Variants in NAV2 observed in about 807,000 individuals in gnomAD.
NAV2 encodes neuron navigator 2, also known as helicase, APC down-regulated 1.
In NAV2, 54 loss-of-function variants were observed where a neutral mutation model predicts 223.2. The observed-to-expected ratio is 0.24, with a 90% confidence interval of 0.19 to 0.30. The LOEUF is 0.30. NAV2 is among the 10% of genes least tolerant of loss of function. The probability of loss-of-function intolerance (pLI) is 1.00; values close to 1 mark genes in which losing one functional copy is unlikely to be tolerated. For synonymous variants in NAV2, 1,279 were observed against 1,239.3 expected (o/e 1.03, Z -0.67); for missense variants, 2,806 against 3,147.5 (o/e 0.89, Z 2.60).
chr11:20,051,435 C>G, intron 17 of NAV2, 102 bp downstream of exon 17: 1 of 1,097,700 alleles, frequency 9.1e-7, no homozygotes. Flanking sequence ...GGGCTGGGGT[C>G]CCCGCTTTGA....
chr11:19,573,573 G>A (rs909534289), intron 1 of NAV2, among the ~76,000 whole-genome samples: 2 of 152,128 alleles, frequency 1.3e-5, no homozygotes, highest in African/African-American at 4.8e-5. Flanking sequence ...TGCCAGCCGC[G>A]GGCAGTGCCT....
chr11:19,686,204 C>G (rs1048685138), intron 1 of NAV2, among the ~76,000 whole-genome samples: 5 of 152,156 alleles, frequency 3.3e-5, no homozygotes, highest in Non-Finnish European at 7.3e-5. Context: ...GCCTCCACGA[C>G]CATGTCACTT....
At chr11:19,993,637 C>A (rs1201796141) in intron 11 of NAV2, among the ~76,000 whole-genome samples, 1 of 151,948 alleles carries the variant, frequency 6.6e-6, no homozygotes, top group Non-Finnish European at 1.5e-5. Context: ...TTACTGCATG[C>A]AGTAATATCA....
chr11:20,096,824 T>C (rs1206374453), intron 30 of NAV2, among the ~76,000 whole-genome samples: 2 of 152,184 alleles, frequency 1.3e-5, no homozygotes, highest in Non-Finnish European at 2.9e-5. Flanking sequence ...ATGAATGGCT[T>C]AGATGGACCG....
Position 19,445,930 on chromosome 11 carries a change from G to A in NAV2, c.75+94903G>A, listed in dbSNP as rs116183858. 7.4e-3 allele frequency among the ~76,000 whole-genome samples: 1,126 copies of A among 152,170 alleles called. 11 individuals are homozygous for A. Among genetic ancestry groups the A allele is most frequent in the African/African-American group, 0.024 (997 of 41,482 alleles). On this transcript the variant is annotated intron_variant, in intron 1 of 37. Transcript: ENST00000360655. Reference sequence around the variant, plus strand: ...GGTGAGAAATACTGAGGCAGAAAGCGAGATTAAGTCACTTGCCCATTCTCT... The same window carrying A: ...GGTGAGAAATACTGAGGCAGAAAGCAAGATTAAGTCACTTGCCCATTCTCT...
intron 1 of NAV2, among the ~76,000 whole-genome samples, chr11:19,369,420 T>G (rs1590065430): frequency 6.6e-6 from 1 of 152,242 alleles, no homozygotes; most frequent in Non-Finnish European, 1.5e-5. Context: ...CTACTCTGTA[T>G]TTGATAAACA....
chr11:19,941,121 C>T (rs2046363433), intron 8 of NAV2, among the ~76,000 whole-genome samples: 1 of 152,156 alleles, frequency 6.6e-6, no homozygotes, highest in Non-Finnish European at 1.5e-5. Flanking sequence ...ATTTGAAAAG[C>T]AAAAGCAGGA....
At chr11:20,036,229 C>A in intron 12 of NAV2, 132 bp downstream of exon 12, 1 of 1,028,270 alleles carries the variant, frequency 9.7e-7, no homozygotes, top group Non-Finnish European at 1.4e-6. Flanking sequence ...AGCCTCCTGC[C>A]GCCTCTGCTC....
chr11:19,999,714 A>G (rs1213798447), intron 11 of NAV2, among the ~76,000 whole-genome samples: 3 of 152,164 alleles, frequency 2.0e-5, no homozygotes, highest in African/African-American at 4.8e-5. Context: ...ACAAGTTCAG[A>G]TGCTGACTGT....
chr11:19,863,655 G>A (rs1265928628), intron 3 of NAV2, among the ~76,000 whole-genome samples: 1 of 152,134 alleles, frequency 6.6e-6, no homozygotes, highest in Non-Finnish European at 1.5e-5. Context: ...CCTTGGCCGT[G>A]CTGCACCCAT....
Position 20,083,108 on chromosome 11 carries a change from C to T in NAV2, c.5427C>T (p.Ser1809=), listed in dbSNP as rs763540045. Residue 1809 remains serine, a synonymous_variant, in exon 26 of 38, where the codon TCC becomes TCT. Transcript: ENST00000349880. ...AGATGACGGATTCTTCTTTGCCTTC[C>T]TCACCAAAGTTACCGCACAATGGGT... ...IEEMTDSSLP[S]SPKLPHNGST... The T allele has an allele frequency of 2.5e-6, 4 of 1,614,088 alleles. No individual in the cohort carries two copies. The highest frequency in any genetic ancestry group is 3.4e-6 in the Non-Finnish European group (4 of 1,179,954).
intron 6 of NAV2, among the ~76,000 whole-genome samples, chr11:19,919,356 C>G (rs193224426): frequency 3.4e-4 from 52 of 151,722 alleles, no homozygotes; most frequent in African/African-American, 1.2e-3. Flanking sequence ...ATATGAAGAG[C>G]TCTTTGAGCC....
At chr11:19,626,385 A>G (rs934343953) in intron 1 of NAV2, among the ~76,000 whole-genome samples, 3 of 152,154 alleles carry the variant, frequency 2.0e-5, no homozygotes, top group Non-Finnish European at 2.9e-5. Flanking sequence ...CCACTGACCT[A>G]TATGTCTGTA....
chr11:19,898,212 A>G (rs918571170), intron 6 of NAV2, among the ~76,000 whole-genome samples: 7 of 152,302 alleles, frequency 4.6e-5, no homozygotes, highest in African/African-American at 1.4e-4. Flanking sequence ...TTCATTTTAC[A>G]GAAAGCACAT....
intron 1 of NAV2, among the ~76,000 whole-genome samples, chr11:19,734,370 T>G (rs1388389502): frequency 1.3e-5 from 2 of 152,214 alleles, no homozygotes. Flanking sequence ...TCAGCTTCAG[T>G]GCAAGGGGAA....
intron 6 of NAV2, among the ~76,000 whole-genome samples, chr11:19,919,483 G>A (rs534853396): frequency 2.0e-5 from 3 of 152,274 alleles, no homozygotes; most frequent in South Asian, 4.1e-4. Flanking sequence ...GGGCACACAG[G>A]CCAATGCCTG....
intron 1 of NAV2, among the ~76,000 whole-genome samples, chr11:19,704,602 T>G (rs1360159403): frequency 6.6e-6 from 1 of 152,236 alleles, no homozygotes; most frequent in Non-Finnish European, 1.5e-5. Context: ...AAATCATGTA[T>G]GTAAAATGCT....
In NAV2 at chr11:19,370,965, G is replaced by T. The variant is rs559236937; in HGVS notation, c.75+19938G>T. On this transcript the variant is annotated intron_variant, in intron 1 of 37. Coordinates refer to the NAV2 transcript ENST00000360655. ...GCTGCCTGTAGCCTCATATGTAGAA[G>T]GTCAGAGATGGAGGTTCTTTTAAGA... is the stretch of plus-strand genomic sequence containing the variant. 5.3e-5 allele frequency among the ~76,000 whole-genome samples: 8 copies of T among 152,304 alleles called. No homozygotes were observed. In the South Asian group the frequency reaches 1.5e-3, roughly 28 times the overall value.
Position 19,704,484 on chromosome 11 carries a change from A to G in NAV2, c.76-128000A>G, listed in dbSNP as rs114684048. 3.5e-3 allele frequency among the ~76,000 whole-genome samples: 539 copies of G among 152,326 alleles called. 2 individuals carry two copies. Among genetic ancestry groups the G allele is most frequent in the African/African-American group, 0.013 (521 of 41,574 alleles). ...AGTCCTGCTCTTCTACTTAATTGGCAGTAGGATCTTAAGTAAGATACTCAA... is the reference window on the plus strand; with the variant it reads ...AGTCCTGCTCTTCTACTTAATTGGCGGTAGGATCTTAAGTAAGATACTCAA... On this transcript the variant is annotated intron_variant, in intron 1 of 37. Coordinates refer to the NAV2 transcript ENST00000360655.
Sources: gnomAD v4.1 joint callset for allele counts (sites outside exome capture counted in the v4.1 genomes callset) on GRCh38, gnomAD v4.1.1 for gene constraint, MANE v1.5 for transcripts, NCBI Gene and HGNC (gene_info 2026-07-23, HGNC 2026-07-21) for gene names.